Variants in GREB1 observed in about 807,000 individuals in gnomAD.
GREB1 encodes protein GREB1.
GREB1 carries 106 observed loss-of-function variants against 200.7 expected under a neutral mutation model. The observed-to-expected ratio is 0.53, with a 90% CI of 0.45 to 0.62. The LOEUF is 0.62. GREB1 is among the 20% of genes least tolerant of loss of function. GREB1 has a pLI of 0.00. For synonymous variants in GREB1, 1,132 were observed against 1,092.4 expected (o/e 1.04, Z -0.72); for missense variants, 2,243 against 2,556.8 (o/e 0.88, Z 2.65).
At position 11,641,187 on chromosome 2, in the gene GREB1, C is replaced by G. The variant is rs1685785626; in HGVS notation, c.*733C>G. 6.6e-6 allele frequency: 1 copy of G among 151,982 alleles called. No individual in the cohort carries two copies. Among genetic ancestry groups the G allele is most frequent in the Non-Finnish European group, 1.5e-5 (1 of 68,014 alleles). 9.4% of individuals were successfully genotyped at this position (151,982 alleles called of 1,614,324 possible). On this transcript the variant is annotated 3_prime_UTR_variant, in exon 33 of 33. Coordinates refer to ENST00000381486, the MANE Select transcript of GREB1 (RefSeq NM_014668.4). Reference sequence around the variant, plus strand: ...GGAAATAAGGCTAACAGAGGTTGACCTAAAATTAGCCTTACAAAGGAGAAA... The same window carrying G: ...GGAAATAAGGCTAACAGAGGTTGACGTAAAATTAGCCTTACAAAGGAGAAA...
chr2:11,544,418 G>C (rs760484167), intron 1 of GREB1, among the ~76,000 whole-genome samples: 1 of 151,950 alleles, frequency 6.6e-6, no homozygotes, highest in Non-Finnish European at 1.5e-5. Flanking sequence ...GGGTTTCACC[G>C]TGCTAGCCAG....
At chr2:11,585,371 A>C in intron 8 of GREB1, 97 bp downstream of exon 8, 1 of 716,950 alleles carries the variant, frequency 1.4e-6, no homozygotes, top group Non-Finnish European at 2.3e-6. Context: ...CGTGCGCACG[A>C]GTGTGAATGT....
intron 1 of GREB1, among the ~76,000 whole-genome samples, chr2:11,549,551 T>C (rs1240950467): frequency 6.6e-6 from 1 of 152,252 alleles, no homozygotes; most frequent in Non-Finnish European, 1.5e-5. Context: ...CTTAATGCTA[T>C]AGTTGTCCTG....
intron 1 of GREB1, among the ~76,000 whole-genome samples, chr2:11,552,829 G>C (rs1373555880): frequency 1.3e-5 from 2 of 151,926 alleles, no homozygotes; most frequent in Non-Finnish European, 2.9e-5. Flanking sequence ...GGCTAACACG[G>C]TGAAACCCCG....
In GREB1 at chr2:11,640,482, G is replaced by A; in HGVS notation, c.*28G>A. The A allele has an allele frequency of 6.2e-7, 1 of 1,612,810 alleles. No individual in the cohort carries two copies. Among genetic ancestry groups the A allele is most frequent in the Non-Finnish European group, 8.5e-7 (1 of 1,179,222 alleles). On this transcript the variant is annotated 3_prime_UTR_variant, in exon 33 of 33. Transcript: ENST00000381486. The surrounding 1 kb of genome is among the most constrained non-coding windows in gnomAD (Gnocchi z 4.6). ...AAGACAGCGGCGAGTTTTCTGAAGA[G>A]ATGAGTGCTCAGAGCCCTCATGCTG...
chr2:11,572,549 G>A (rs945789035), intron 4 of GREB1, among the ~76,000 whole-genome samples: 1 of 152,120 alleles, frequency 6.6e-6, no homozygotes, highest in Non-Finnish European at 1.5e-5. Flanking sequence ...CCTTCCCTTT[G>A]ATGGTTGGAA....
At chr2:11,533,626 G>C (rs1475639786), upstream of GREB1, among the ~76,000 whole-genome samples, 14 of 152,170 alleles carry the variant, frequency 9.2e-5, 1 homozygote, top group Admixed American at 9.2e-4. Context: ...TACACAGATT[G>C]CTACCAACAA....
At chr2:11,623,733 G>A (rs1684198391) in intron 23 of GREB1, among the ~76,000 whole-genome samples, 1 of 152,086 alleles carries the variant, frequency 6.6e-6, no homozygotes, top group Non-Finnish European at 1.5e-5. Flanking sequence ...TCTACTAAAA[G>A]TACAAAAATT....
rs1685745553 is a variant in GREB1 at position 11,640,543 on chromosome 2, T to G, written c.*89T>G. On this transcript the variant is annotated 3_prime_UTR_variant, in exon 33 of 33. Transcript: ENST00000381486. This position sits in a 1 kb window ranked among gnomAD's most constrained non-coding sequence, Gnocchi z 4.6. ...AGGGAGGCCTGGAACGGTGGGGCGT[T>G]TGACTGGAATGGACCCCAGGGACTG... 6.9e-7 allele frequency: 1 copy of G among 1,443,304 alleles called. No homozygotes were observed. The highest frequency in any genetic ancestry group is 9.7e-7 in the Non-Finnish European group (1 of 1,035,804). 89.4% of individuals were successfully genotyped at this position (1,443,304 alleles called of 1,614,324 possible). A position where few individuals can be genotyped will look rare whatever the true frequency, so the allele number is the denominator to read the frequency against.
intron 5 of GREB1, 100 bp downstream of exon 5, chr2:11,576,635 G>T: frequency 5.9e-6 from 5 of 848,154 alleles, no homozygotes; most frequent in Non-Finnish European, 9.4e-6. Flanking sequence ...CTGCATAGCA[G>T]CACACATCAC....
intron 9 of GREB1, chr2:11,587,485 A>G (rs776559692): frequency 1.9e-6 from 3 of 1,608,758 alleles, no homozygotes; most frequent in Non-Finnish European, 2.5e-6. Flanking sequence ...TCCTGGAATC[A>G]GAATCAGGCC....
intron 1 of GREB1, among the ~76,000 whole-genome samples, chr2:11,518,770 G>A (rs1039018885): frequency 2.0e-5 from 3 of 150,680 alleles, no homozygotes; most frequent in African/African-American, 4.9e-5. Flanking sequence ...AAGAAAAAGC[G>A]CATATGCATA....
chr2:11,635,479 AGCCATTGAGGGAGGCCAT>A, intron 30 of GREB1, 74 bp downstream of exon 30: 1 of 1,509,982 alleles, frequency 6.6e-7, no homozygotes, highest in Non-Finnish European at 8.9e-7. Flanking sequence ...TGAGGGTAGG[AGCCATTGAGGGAGGCCAT>A]GTCTCTTTCA....
chr2:11,535,615 G>T (rs1043056064), intron 1 of GREB1, among the ~76,000 whole-genome samples: 3 of 152,124 alleles, frequency 2.0e-5, no homozygotes, highest in Non-Finnish European at 2.9e-5. Context: ...GAGAAATAAG[G>T]TGTGTGTTGA....
Position 11,580,698 on chromosome 2 carries a change from T to TA in GREB1, c.773-6_773-5insA. ...ACCCTCCTCTTTGCCTTCTATCTGT[T>TA]TTCAGGACCAGCTTCTGATCACCCC... On this transcript the variant is annotated splice_polypyrimidine_tract_variant and splice_region_variant and intron_variant, in intron 6 of 32. Transcript: ENST00000381486. The surrounding 1 kb of genome is among the most constrained non-coding windows in gnomAD (Gnocchi z 4.5). The TA allele has an allele frequency of 6.2e-7, 1 of 1,606,918 alleles. No individual in the cohort carries two copies. The highest frequency in any genetic ancestry group is 1.1e-5 in the South Asian group (1 of 90,200).
chr2:11,509,807 GTC>G (rs1382173892), intron 1 of GREB1, among the ~76,000 whole-genome samples: 1 of 152,220 alleles, frequency 6.6e-6, no homozygotes, highest in Non-Finnish European at 1.5e-5. Context: ...CAGACACTGA[GTC>G]TGCTGGTGCC....
At position 11,625,185 on chromosome 2, in the gene GREB1, C is replaced by T. The variant is rs1262470908; in HGVS notation, c.4179C>T (p.Leu1393=). ...GAGAAGAATCTGACTGGCATTATCT[C>T]CAGCTTAGCGACCCCTGGCCAGACC... ...NLREESDWHY[L]QLSDPWPDLE... is the part of the protein sequence containing the mutation. The change falls in exon 24 of 33, where the codon CTC becomes CTT. Residue 1393 remains leucine, a synonymous_variant. Transcript: ENST00000381486. The T allele has an allele frequency of 4.3e-6, 7 of 1,614,006 alleles. No individual in the cohort carries two copies. The South Asian group carries it at 7.7e-5, about 18-fold the overall frequency.
At chr2:11,594,753 C>T (rs991177621) in intron 11 of GREB1, among the ~76,000 whole-genome samples, 1 of 151,950 alleles carries the variant, frequency 6.6e-6, no homozygotes. Context: ...AGTGTAGTGA[C>T]ACTTTGTAGG....
intron 12 of GREB1, 57 bp from the exon 13 acceptor site, chr2:11,596,054 A>G (rs1388951692): frequency 2.6e-6 from 4 of 1,549,104 alleles, no homozygotes; most frequent in Non-Finnish European, 3.5e-6. Context: ...TGCGCTGTAG[A>G]TGTTTGCTGA....
Sources: gnomAD v4.1 joint callset for allele counts (sites outside exome capture counted in the v4.1 genomes callset) on GRCh38, gnomAD v4.1.1 for gene constraint, Gnocchi (gnomAD v3.1) non-coding constraint, MANE v1.5 for transcripts, NCBI Gene and HGNC (gene_info 2026-07-23, HGNC 2026-07-21) for gene names.